EXOC4: variants seen among roughly 807,000 people sequenced by gnomAD.
EXOC4 encodes the protein exocyst complex component 4.
In EXOC4, 71 loss-of-function variants were observed where a neutral mutation model predicts 107.2. The observed-to-expected ratio is 0.66, with a 90% CI of 0.55 to 0.81. The LOEUF (loss-of-function observed/expected upper bound fraction) is 0.81. Ranked by LOEUF, EXOC4 falls within the 30% of genes least tolerant of loss-of-function variation. EXOC4 has a pLI of 0.00. For synonymous variants in EXOC4, 456 were observed against 441.2 expected (o/e 1.03, Z -0.42); for missense variants, 1,108 against 1,189.6 (o/e 0.93, Z 1.01).
chr7:133,368,764 G>A (rs1305296259), intron 6 of EXOC4, among the ~76,000 whole-genome samples: 1 of 152,012 alleles, frequency 6.6e-6, no homozygotes, highest in Admixed American at 6.6e-5. Flanking sequence ...ATACTGTTTT[G>A]TGGCTTTAGA....
At chr7:133,543,218 G>A (rs1563102560) in intron 9 of EXOC4, among the ~76,000 whole-genome samples, 1 of 151,966 alleles carries the variant, frequency 6.6e-6, no homozygotes, top group Non-Finnish European at 1.5e-5. Flanking sequence ...TATAAGTTGA[G>A]TGTCCTGACA....
chr7:133,981,772 T>C (rs1310993201), intron 14 of EXOC4, among the ~76,000 whole-genome samples: 2 of 152,102 alleles, frequency 1.3e-5, no homozygotes, highest in Non-Finnish European at 2.9e-5. Flanking sequence ...GGAATATAAA[T>C]AGTTCTACTA....
intron 17 of EXOC4, chr7:134,010,417 G>A (rs1226917511): frequency 1.3e-5 from 2 of 151,986 alleles, no homozygotes; most frequent in East Asian, 3.9e-4. Context: ...CCATATTGTA[G>A]CCCTACTACT....
chr7:133,633,705 C>T (rs942386478), intron 10 of EXOC4, among the ~76,000 whole-genome samples: 2 of 150,550 alleles, frequency 1.3e-5, no homozygotes, highest in Non-Finnish European at 3.0e-5. Context: ...GCAACAAGAG[C>T]GAAACTCCAT....
In EXOC4 at chr7:133,529,355, C is replaced by T. The variant is rs541762576; in HGVS notation, c.1417+49217C>T. 1.1e-4 allele frequency among the ~76,000 whole-genome samples: 16 copies of T among 152,254 alleles called. No homozygotes were observed. In the South Asian group the frequency reaches 3.3e-3, roughly 32 times the overall value. On this transcript the variant is annotated intron_variant, in intron 9 of 17. Coordinates refer to ENST00000253861, the MANE Select transcript of EXOC4 (RefSeq NM_021807.4). Reference sequence around the variant, plus strand: ...CAATAAACCCCTATCATTCAGACATCCCTGCTCCCTTTTGTATAAAAAGCA... The same window carrying T: ...CAATAAACCCCTATCATTCAGACATTCCTGCTCCCTTTTGTATAAAAAGCA...
At chr7:133,337,490 A>T (rs1258976691) in intron 5 of EXOC4, among the ~76,000 whole-genome samples, 1 of 152,078 alleles carries the variant, frequency 6.6e-6, no homozygotes, top group Non-Finnish European at 1.5e-5. Context: ...TGTAATTAAC[A>T]TCTGTATTTC....
At chr7:133,604,788 A>G (rs1050867037) in intron 9 of EXOC4, among the ~76,000 whole-genome samples, 4 of 126,596 alleles carry the variant, frequency 3.2e-5, no homozygotes, top group African/African-American at 1.2e-4. Flanking sequence ...CAGTGGTGCA[A>G]TCTTGGCTCA....
intron 7 of EXOC4, among the ~76,000 whole-genome samples, chr7:133,432,265 T>C (rs1331661922): frequency 6.6e-6 from 1 of 152,158 alleles, no homozygotes; most frequent in Non-Finnish European, 1.5e-5. Flanking sequence ...GTGTTCAAAT[T>C]CTGGCTCTAC....
At chr7:134,051,758 G>C (rs551446266) in intron 17 of EXOC4, among the ~76,000 whole-genome samples, 1 of 152,118 alleles carries the variant, frequency 6.6e-6, no homozygotes, top group African/African-American at 2.4e-5. Flanking sequence ...GGCCAAGGCG[G>C]GTGGATCACG....
chr7:133,565,704 AATTC>A (rs1272724222), intron 9 of EXOC4, among the ~76,000 whole-genome samples: 23 of 152,320 alleles, frequency 1.5e-4, no homozygotes, highest in African/African-American at 5.5e-4. Flanking sequence ...AACTGTGGTA[AATTC>A]ATTGTTTATC....
At chr7:133,669,833 A>C (rs777958300) in intron 10 of EXOC4, among the ~76,000 whole-genome samples, 22 of 152,342 alleles carry the variant, frequency 1.4e-4, no homozygotes, top group Non-Finnish European at 2.6e-4. Context: ...TCTGAGGAAC[A>C]CTTACAAGGA....
In EXOC4 at chr7:133,884,335, G is replaced by A. The variant is rs7776659; in HGVS notation, c.1735-11264G>A. On this transcript the variant is annotated intron_variant, in intron 11 of 17. Transcript: ENST00000253861. ...TAGAGCATTTCCACTTACCACCCTC[G>A]CACCAACGACCTCCACCTGGCAACC... Among the ~76,000 whole-genome samples the A allele has an allele frequency of 2.4e-3, 366 of 152,142 alleles. 5 individuals carry two copies. Among genetic ancestry groups the A allele is most frequent in the African/African-American group, 8.2e-3 (341 of 41,486 alleles).
chr7:133,657,774 T>C (rs1803336005), intron 10 of EXOC4, among the ~76,000 whole-genome samples: 1 of 152,234 alleles, frequency 6.6e-6, no homozygotes, highest in Non-Finnish European at 1.5e-5. Flanking sequence ...TAGAATTGGC[T>C]CTGCCATGAA....
chr7:133,795,136 A>G (rs913889557), intron 10 of EXOC4, among the ~76,000 whole-genome samples: 4 of 152,166 alleles, frequency 2.6e-5, no homozygotes, highest in Non-Finnish European at 5.9e-5. Flanking sequence ...GAATAGAACT[A>G]TTACCCTCAA....
chr7:133,624,388 A>T (rs1479140279), intron 9 of EXOC4, among the ~76,000 whole-genome samples: 2 of 152,150 alleles, frequency 1.3e-5, no homozygotes, highest in Non-Finnish European at 1.5e-5. Flanking sequence ...GTTCAAGACC[A>T]TCCTGGGCAA....
intron 9 of EXOC4, among the ~76,000 whole-genome samples, chr7:133,524,576 C>G (rs553966955): frequency 2.6e-4 from 39 of 148,148 alleles, no homozygotes; most frequent in African/African-American, 9.3e-4. Context: ...GGTTTTAGGT[C>G]TAACATTTAA....
At chr7:133,278,810 C>T (rs1198903462) in intron 2 of EXOC4, among the ~76,000 whole-genome samples, 1 of 151,880 alleles carries the variant, frequency 6.6e-6, no homozygotes, top group East Asian at 2.0e-4. Context: ...CATGATGTGG[C>T]TAACATCTTT....
intron 17 of EXOC4, among the ~76,000 whole-genome samples, chr7:134,050,950 G>C (rs1795770623): frequency 6.6e-6 from 1 of 152,150 alleles, no homozygotes; most frequent in Non-Finnish European, 1.5e-5. Flanking sequence ...AATGAGAAGA[G>C]TGTAGGATCT....
intron 1 of EXOC4, among the ~76,000 whole-genome samples, chr7:133,271,590 T>G (rs1004518118): frequency 2.6e-5 from 4 of 152,204 alleles, no homozygotes; most frequent in African/African-American, 7.2e-5. Context: ...GTGTTTCCAG[T>G]CCAGTCTCTG....
Sources: gnomAD v4.1 joint callset for allele counts (sites outside exome capture counted in the v4.1 genomes callset) on GRCh38, gnomAD v4.1.1 for gene constraint, MANE v1.5 for transcripts, NCBI Gene and HGNC (gene_info 2026-07-23, HGNC 2026-07-21) for gene names.